The following PCDHA3 variants were observed in gnomAD, a reference collection of about 807,000 sequenced individuals.
PCDHA3 encodes the protein protocadherin alpha 3.
Under a neutral mutation model 62.2 loss-of-function variants are expected in PCDHA3, and 41 were observed. The ratio of observed to expected loss-of-function variants is 0.66; its 90% CI spans 0.51 to 0.86. The LOEUF (loss-of-function observed/expected upper bound fraction) is 0.86. Among genes scored for constraint, PCDHA3 ranks in the 40% least tolerant of loss-of-function variants. PCDHA3 has a pLI of 0.00. For missense variants in PCDHA3, 1,304 were observed against 1,241.2 expected (o/e 1.05, Z -0.76); for synonymous variants, 640 against 555.4 (o/e 1.15, Z -2.14).
At chr5:140,844,253 T>C (rs1269876279) in intron 1 of PCDHA3, among the ~76,000 whole-genome samples, 1 of 149,786 alleles carries the variant, frequency 6.7e-6, no homozygotes, top group Admixed American at 6.7e-5. Context: ...TTTTAAGCAG[T>C]GTAGTGATAA....
chr5:140,830,481 C>A (rs2150187126), intron 1 of PCDHA3: 1 of 1,505,878 alleles, frequency 6.6e-7, no homozygotes, highest in East Asian at 2.4e-5. Flanking sequence ...GATCATGATG[C>A]CAAAGTAAGT....
rs1255699815 is a variant in PCDHA3, at chr5:140,984,173, C to T, written c.2542+1610C>T. On this transcript the variant is annotated intron_variant, in intron 3 of 3. Transcript: ENST00000522353. The stretch of plus-strand genomic sequence containing the variant: ...AGGTGAGAACTTCCCAAAGAAGCCA[C>T]GTGAAATCATGACTTTCTACCTTGC... Among the ~76,000 whole-genome samples, 5 of 152,166 alleles carry T rather than the reference C, an allele frequency of 3.3e-5. No individual in the cohort carries two copies. The South Asian group carries it at 6.2e-4, about 19-fold the overall frequency.
chr5:140,965,877 G>C (rs1355769719), intron 1 of PCDHA3, among the ~76,000 whole-genome samples: 3 of 152,210 alleles, frequency 2.0e-5, no homozygotes, highest in Non-Finnish European at 4.4e-5. Context: ...CCACTTGGCC[G>C]AGAGCAGAAT....
intron 1 of PCDHA3, among the ~76,000 whole-genome samples, chr5:140,925,482 A>G (rs1238702660): frequency 2.0e-5 from 3 of 152,088 alleles, no homozygotes; most frequent in Admixed American, 6.6e-5. Flanking sequence ...TTCTCATAGA[A>G]CTGATCACTG....
chr5:140,850,784 T>C (rs2150498192), intron 1 of PCDHA3: 7 of 1,597,982 alleles, frequency 4.4e-6, no homozygotes, highest in South Asian at 1.1e-5. Flanking sequence ...CTGGCGAGGG[T>C]AAGCAGAAGA....
At chr5:140,850,162 T>C in intron 1 of PCDHA3, 2 of 1,595,026 alleles carry the variant, frequency 1.3e-6, no homozygotes, top group Non-Finnish European at 1.7e-6. Context: ...GTGTTCGTGC[T>C]GGACGAGAAC....
intron 1 of PCDHA3, among the ~76,000 whole-genome samples, chr5:140,958,822 A>G (rs1554223658): frequency 6.6e-6 from 1 of 152,146 alleles, no homozygotes; most frequent in Non-Finnish European, 1.5e-5. Context: ...TTTAATTTTT[A>G]TATCTTAAAG....
intron 3 of PCDHA3, among the ~76,000 whole-genome samples, chr5:140,997,851 C>T (rs1400770612): frequency 6.6e-6 from 1 of 152,122 alleles, no homozygotes. Flanking sequence ...CATTCTTATA[C>T]ATATTTCTTA....
At chr5:140,917,336 G>T (rs1183036523) in intron 1 of PCDHA3, among the ~76,000 whole-genome samples, 1 of 144,856 alleles carries the variant, frequency 6.9e-6, no homozygotes, top group Non-Finnish European at 1.5e-5. Context: ...GGGGAGGGGG[G>T]GGATGGTGTA....
At chr5:140,967,589 T>C (rs782348275) in intron 1 of PCDHA3, 20 of 1,613,912 alleles carry the variant, frequency 1.2e-5, no homozygotes, top group African/African-American at 1.2e-4. Context: ...CCCAGGCACA[T>C]TGGTGGTGAA....
intron 3 of PCDHA3, among the ~76,000 whole-genome samples, chr5:141,001,134 T>A (rs370176335): frequency 4.7e-4 from 72 of 152,158 alleles, no homozygotes; most frequent in African/African-American, 1.7e-3. Context: ...AACAAATGAA[T>A]CTTCTGTTGC....
At chr5:140,822,327 TGAA>T (rs2150115560) in intron 1 of PCDHA3, 3 of 1,613,994 alleles carry the variant, frequency 1.9e-6, no homozygotes, top group East Asian at 4.5e-5. Flanking sequence ...TTAAAACAAA[TGAA>T]GAAGAAACGA....
chr5:140,955,073 C>T (rs2095133365), intron 1 of PCDHA3, among the ~76,000 whole-genome samples: 1 of 152,146 alleles, frequency 6.6e-6, no homozygotes, highest in South Asian at 2.1e-4. Context: ...TGTTGAAGAT[C>T]AGATGGTTGT....
intron 1 of PCDHA3, chr5:140,875,596 G>C (rs1554167787): frequency 1.9e-6 from 3 of 1,613,938 alleles, no homozygotes; most frequent in African/African-American, 2.7e-5. Flanking sequence ...GGCCAAACAC[G>C]GCACCTTCGT....
intron 1 of PCDHA3, among the ~76,000 whole-genome samples, chr5:140,974,630 A>G (rs1252889789): frequency 6.7e-6 from 1 of 149,794 alleles, no homozygotes; most frequent in Non-Finnish European, 1.5e-5. Context: ...TCCTGCCTCA[A>G]CCTCCCGAGT....
At chr5:140,872,181 G>T (rs2053527538) in intron 1 of PCDHA3, among the ~76,000 whole-genome samples, 1 of 151,138 alleles carries the variant, frequency 6.6e-6, no homozygotes, top group Admixed American at 6.6e-5. Flanking sequence ...TTTTTTTACA[G>T]TGTTAAACGT....
At chr5:140,926,740 A>G (rs1291119790) in intron 1 of PCDHA3, 2 of 1,186,206 alleles carry the variant, frequency 1.7e-6, no homozygotes, top group Non-Finnish European at 2.2e-6. Context: ...CGGGAGGCGC[A>G]ACGTCGGCGG....
rs184822768 is a variant in PCDHA3 at position 140,847,338 on chromosome 5, C to A, written c.2394+43747C>A. 45 of 149,900 alleles carry A rather than the reference C, an allele frequency of 3.0e-4. 3 individuals carry two copies. In the Admixed American group the frequency reaches 3.0e-3, roughly 10 times the overall value. The allele number at this position is 149,900 out of a possible 1,614,324, so 9.3% of individuals were successfully genotyped here. On this transcript the variant is annotated intron_variant, in intron 1 of 3. Transcript: ENST00000522353. ...ACAGAAGCAATTGTTAAATGCACCT[C>A]TTAGGCTGTTATCAGTAGAAATACG... is the stretch of plus-strand genomic sequence containing the variant.
chr5:140,858,822 T>C (rs1334522952), intron 1 of PCDHA3: 2 of 340,086 alleles, frequency 5.9e-6, no homozygotes, highest in Non-Finnish European at 1.1e-5. Context: ...TGATTGTATT[T>C]GCATTACCAA....
Sources: gnomAD v4.1 joint callset for allele counts (sites outside exome capture counted in the v4.1 genomes callset) on GRCh38, gnomAD v4.1.1 for gene constraint, MANE v1.5 for transcripts, NCBI Gene and HGNC (gene_info 2026-07-23, HGNC 2026-07-21) for gene names.